Variants in SPAG16 observed in about 807,000 individuals in gnomAD.
The protein encoded by SPAG16 is sperm associated antigen 16, also known as sperm-associated antigen 16 protein.
SPAG16 carries 86 observed loss-of-function variants against 80.4 expected under a neutral mutation model. The observed-to-expected ratio is 1.07, with a 90% confidence interval of 0.90 to 1.28. The LOEUF is 1.28. Ranked by LOEUF, SPAG16 falls within the 50% of genes most tolerant of loss-of-function variation. The pLI is 0.00. For synonymous variants in SPAG16, 294 were observed against 265.9 expected, an observed-to-expected ratio of 1.11 and a Z score of -1.03; for missense variants, 870 against 765.3, an observed-to-expected ratio of 1.14 and a Z score of -1.61.
rs1253969835 is a variant in SPAG16 at position 213,819,173 on chromosome 2, A to G, written c.1071-43312A>G. The stretch of plus-strand genomic sequence containing the variant: ...TGAATAACATTGTTATTTTATTCCC[A>G]TGATTCCTTATTTAAGCAGGCCCTA... On this transcript the variant is annotated intron_variant, in intron 10 of 15. Transcript: ENST00000331683. Among the ~76,000 whole-genome samples the G allele has an allele frequency of 2.0e-5, 3 of 152,306 alleles. No homozygotes were observed. The East Asian group carries it at 5.8e-4, about 29-fold the overall frequency.
At chr2:213,887,676 A>G (rs2076614721) in intron 11 of SPAG16, among the ~76,000 whole-genome samples, 1 of 151,584 alleles carries the variant, frequency 6.6e-6, no homozygotes, top group South Asian at 2.1e-4. Flanking sequence ...AAAATAATAT[A>G]GAGTATGACT....
chr2:213,746,332 A>T (rs914759806), intron 10 of SPAG16, among the ~76,000 whole-genome samples: 1 of 152,144 alleles, frequency 6.6e-6, no homozygotes, highest in Non-Finnish European at 1.5e-5. Context: ...ATGCCACTTA[A>T]CCTCATTTTG....
At chr2:213,500,996 C>T (rs929824315) in intron 10 of SPAG16, among the ~76,000 whole-genome samples, 4 of 152,096 alleles carry the variant, frequency 2.6e-5, no homozygotes, top group African/African-American at 9.7e-5. Flanking sequence ...GGGTAGAGAC[C>T]GTTCCCAGAG....
At position 213,878,010 on chromosome 2, in the gene SPAG16, C is replaced by T. The variant is rs895823824; in HGVS notation, c.1214+15382C>T. ...ATCAAATTTCTGACCTTGTCATACC[C>T]TCTTCTCTCCAACACAAGCACTTTG... On this transcript the variant is annotated intron_variant, in intron 11 of 15. Transcript: ENST00000331683. Among the ~76,000 whole-genome samples the T allele has an allele frequency of 1.3e-4, 20 of 152,240 alleles. 1 individual carries two copies. The highest frequency in any genetic ancestry group is 4.6e-4 in the African/African-American group (19 of 41,550).
intron 9 of SPAG16, among the ~76,000 whole-genome samples, chr2:213,407,922 GGA>G (rs1340570701): frequency 0.034 from 3,718 of 108,238 alleles, 457 homozygotes; most frequent in African/African-American, 0.14. Flanking sequence ...GAGAGAGACA[GGA>G]GAGAGAGGAG....
intron 14 of SPAG16, among the ~76,000 whole-genome samples, chr2:214,132,880 G>A (rs958776135): frequency 3.3e-5 from 5 of 152,044 alleles, no homozygotes; most frequent in African/African-American, 9.7e-5. Context: ...ATCACCTGAG[G>A]TCGCGAGTTC....
At chr2:213,900,845 G>C (rs954098453) in intron 11 of SPAG16, among the ~76,000 whole-genome samples, 4 of 151,978 alleles carry the variant, frequency 2.6e-5, no homozygotes, top group Admixed American at 1.3e-4. Flanking sequence ...CCACCTTTTA[G>C]GCCTAGAGAA....
intron 8 of SPAG16, among the ~76,000 whole-genome samples, chr2:213,371,334 G>A (rs1460450647): frequency 6.8e-6 from 1 of 147,858 alleles, no homozygotes; most frequent in Non-Finnish European, 1.5e-5. Flanking sequence ...GAACCAGGAG[G>A]TTGCAGTGAG....
chr2:214,070,458 G>C (rs778678453), intron 13 of SPAG16, among the ~76,000 whole-genome samples: 6 of 151,930 alleles, frequency 3.9e-5, no homozygotes, highest in Non-Finnish European at 7.4e-5. Flanking sequence ...TTTCTCCACT[G>C]CTTTGAATTA....
intron 9 of SPAG16, among the ~76,000 whole-genome samples, chr2:213,420,907 GA>G (rs2069543694): frequency 6.6e-6 from 1 of 152,242 alleles, no homozygotes; most frequent in Non-Finnish European, 1.5e-5. Context: ...GGGAAAAACA[GA>G]AATTATACTG....
intron 15 of SPAG16, among the ~76,000 whole-genome samples, chr2:214,197,576 A>G: frequency 6.6e-6 from 1 of 152,146 alleles, no homozygotes; most frequent in Middle Eastern, 3.5e-3. Context: ...ACATTTACTG[A>G]AAAATTAAAA....
At chr2:214,193,149 T>C (rs1576463388) in intron 15 of SPAG16, among the ~76,000 whole-genome samples, 3 of 152,104 alleles carry the variant, frequency 2.0e-5, no homozygotes, top group Non-Finnish European at 4.4e-5. Flanking sequence ...GGGTGAGGCA[T>C]AATTTCTCAG....
chr2:213,985,523 T>C (rs908553079), intron 12 of SPAG16, among the ~76,000 whole-genome samples: 1 of 152,108 alleles, frequency 6.6e-6, no homozygotes, highest in African/African-American at 2.4e-5. Flanking sequence ...TAAAAATTTA[T>C]ATTATTTTGC....
At chr2:213,341,561 C>T (rs190406257) in intron 6 of SPAG16, among the ~76,000 whole-genome samples, 3 of 152,236 alleles carry the variant, frequency 2.0e-5, no homozygotes, top group Admixed American at 6.6e-5. Context: ...GAGTCAGACT[C>T]TCATTCTGTC....
At chr2:214,144,906 A>G (rs2055560487) in intron 14 of SPAG16, among the ~76,000 whole-genome samples, 1 of 152,074 alleles carries the variant, frequency 6.6e-6, no homozygotes, top group African/African-American at 2.4e-5. Flanking sequence ...TTAATATCCT[A>G]TTTCTTTTAG....
chr2:213,464,827 A>T (rs2072589273), intron 9 of SPAG16, among the ~76,000 whole-genome samples: 1 of 152,170 alleles, frequency 6.6e-6, no homozygotes, highest in African/African-American at 2.4e-5. Context: ...AGATTTTAAG[A>T]ACTTTCCATT....
intron 10 of SPAG16, among the ~76,000 whole-genome samples, chr2:213,689,720 G>C (rs549271083): frequency 1.1e-3 from 163 of 152,000 alleles, no homozygotes; most frequent in Non-Finnish European, 1.8e-3. Flanking sequence ...TCCTTGGTTA[G>C]TGTCCTAACA....
chr2:213,540,686 A>T (rs1249065947), intron 10 of SPAG16, among the ~76,000 whole-genome samples: 1 of 152,232 alleles, frequency 6.6e-6, no homozygotes, highest in Non-Finnish European at 1.5e-5. Context: ...TTTCATTTGT[A>T]GTTCTTCACA....
chr2:213,547,369 T>C (rs1305879172), intron 10 of SPAG16, among the ~76,000 whole-genome samples: 1 of 152,166 alleles, frequency 6.6e-6, no homozygotes, highest in Non-Finnish European at 1.5e-5. Context: ...TGAATACTTA[T>C]TTGGTCTACT....
Sources: gnomAD v4.1 joint callset for allele counts (sites outside exome capture counted in the v4.1 genomes callset) on GRCh38, gnomAD v4.1.1 for gene constraint, MANE v1.5 for transcripts, NCBI Gene and HGNC (gene_info 2026-07-23, HGNC 2026-07-21) for gene names.